MAN2B2: variants seen among roughly 807,000 people sequenced by gnomAD.
MAN2B2 encodes the protein epididymis-specific alpha-mannosidase.
Under a neutral mutation model 117.1 loss-of-function variants are expected in MAN2B2, and 106 were observed. That is an observed-to-expected ratio of 0.90 (90% CI 0.77 to 1.06). MAN2B2 has a LOEUF of 1.06. Ranked by LOEUF, MAN2B2 falls within the 50% of genes least tolerant of loss-of-function variation. The pLI, the probability that MAN2B2 is intolerant of heterozygous loss-of-function variation, is 0.00. For synonymous variants in MAN2B2, 544 were observed against 595.1 expected, an observed-to-expected ratio of 0.91 and a Z score of 1.25; for missense variants, 1,326 against 1,381.4, an observed-to-expected ratio of 0.96 and a Z score of 0.64.
intron 3 of MAN2B2, 93 bp downstream of exon 3, chr4:6,578,591 G>A (rs1271559865): frequency 2.8e-5 from 29 of 1,051,234 alleles, no homozygotes; most frequent in Non-Finnish European, 4.1e-5. Flanking sequence ...AGCTCTGTCT[G>A]CCCCTCTTAG....
chr4:6,599,915 C>T (rs1195916158), intron 9 of MAN2B2, among the ~76,000 whole-genome samples: 1 of 152,248 alleles, frequency 6.6e-6, no homozygotes, highest in Non-Finnish European at 1.5e-5. Context: ...TCTGGCTTCA[C>T]TGCCAGGTGG....
At chr4:6,617,732 G>A (rs1208997726) in intron 17 of MAN2B2, 2 of 588,282 alleles carry the variant, frequency 3.4e-6, no homozygotes, top group Non-Finnish European at 5.4e-6. Context: ...CCAGTCTGGG[G>A]TGCAGTGGCA....
At chr4:6,606,000 TC>T (rs1727531968) in intron 11 of MAN2B2, among the ~76,000 whole-genome samples, 1 of 152,204 alleles carries the variant, frequency 6.6e-6, no homozygotes, top group South Asian at 2.1e-4. Context: ...AAGAAAGACC[TC>T]GTGGCTGGTT....
Position 6,580,075 on chromosome 4 carries a change from A to C in MAN2B2, c.391+1577A>C, listed in dbSNP as rs530720439. The stretch of plus-strand genomic sequence containing the variant: ...TTGTAAAACATCCAGGCAGAGAGCA[A>C]TGTTGTCAAAGGATGTTTTTGGCAC... On this transcript the variant is annotated intron_variant, in intron 3 of 18. Transcript: ENST00000285599. Among the ~76,000 whole-genome samples the C allele has an allele frequency of 2.0e-5, 3 of 152,316 alleles. No individual in the cohort carries two copies. The East Asian group carries it at 5.8e-4, about 29-fold the overall frequency.
At position 6,578,459 on chromosome 4, in the gene MAN2B2, G is replaced by C; in HGVS notation, c.352G>C (p.Ala118Pro). The C allele has an allele frequency of 6.2e-7, 1 of 1,613,640 alleles. No homozygotes were observed. Among genetic ancestry groups the C allele is most frequent in the Non-Finnish European group, 8.5e-7 (1 of 1,179,818 alleles). The change falls in exon 3 of 19, where the codon GCT (alanine) becomes CCT (proline). Residue 118 changes from alanine (A) to proline (P), a missense_variant. Coordinates refer to ENST00000285599, the MANE Select transcript of MAN2B2 (RefSeq NM_015274.3). ...VIGGQVMHDE[A>P]VTHLDDQILQ... ...CGGAGGCCAGGTCATGCATGACGAG[G>C]CTGTGACGCACCTTGATGACCAGAT... is the stretch of plus-strand genomic sequence containing the variant.
intron 4 of MAN2B2, among the ~76,000 whole-genome samples, 175 bp downstream of exon 4, chr4:6,587,343 G>A (rs1726677082): frequency 6.6e-6 from 1 of 152,024 alleles, no homozygotes. Context: ...TCCACCAGGA[G>A]GGCCCCCCTC....
Position 6,599,597 on chromosome 4 carries a change from A to G in MAN2B2, c.1406-1026A>G, listed in dbSNP as rs1440233710. Among the ~76,000 whole-genome samples the G allele has an allele frequency of 2.0e-5, 3 of 148,290 alleles. No homozygotes were observed. In the East Asian group the frequency reaches 6.2e-4, roughly 30 times the overall value. On this transcript the variant is annotated intron_variant, in intron 9 of 18. Transcript: ENST00000285599. The stretch of plus-strand genomic sequence containing the variant: ...AGAATGGCGTGAACCCAGGAGGCGG[A>G]GCTTGCAGTGAGCCGAGATCGCACC...
At chr4:6,598,067 C>G in intron 8 of MAN2B2, 131 bp from the exon 9 acceptor site, 1 of 945,002 alleles carries the variant, frequency 1.1e-6, no homozygotes, top group Non-Finnish European at 1.6e-6. Context: ...TGTAAAATGG[C>G]GGGGACTGCC....
At chr4:6,616,766 G>A (rs1404798829) in intron 16 of MAN2B2, among the ~76,000 whole-genome samples, 1 of 152,174 alleles carries the variant, frequency 6.6e-6, no homozygotes, top group African/African-American at 2.4e-5. Flanking sequence ...ATGGTGGGCA[G>A]CCTTACAGTC....
chr4:6,619,879 C>T (rs1712077017), intron 17 of MAN2B2, 48 bp from the exon 18 acceptor site: 2 of 1,552,898 alleles, frequency 1.3e-6, no homozygotes, highest in Non-Finnish European at 1.8e-6. Flanking sequence ...CTCTGCTCAG[C>T]TCTGGAACTT....
intron 9 of MAN2B2, among the ~76,000 whole-genome samples, chr4:6,598,856 G>A (rs888199121): frequency 7.2e-5 from 11 of 152,208 alleles, no homozygotes; most frequent in South Asian, 4.1e-4. Context: ...ACTCCCTCCC[G>A]AACTCCACTT....
At chr4:6,620,133 C>A in intron 18 of MAN2B2, 89 bp downstream of exon 18, 1 of 1,085,656 alleles carries the variant, frequency 9.2e-7, no homozygotes. Flanking sequence ...AACCATCTGC[C>A]TGTCCCGGCC....
intron 3 of MAN2B2, among the ~76,000 whole-genome samples, chr4:6,579,210 TCAC>T (rs1298854364): frequency 0.01 from 218 of 21,520 alleles, 8 homozygotes; most frequent in African/African-American, 0.026. Flanking sequence ...ACCATCACCA[TCAC>T]CACCACCACC....
chr4:6,584,913 G>A (rs1726574360), intron 3 of MAN2B2, among the ~76,000 whole-genome samples: 1 of 152,116 alleles, frequency 6.6e-6, no homozygotes, highest in African/African-American at 2.4e-5. Context: ...TGCTGACTTG[G>A]CAGCCTTCAG....
intron 5 of MAN2B2, 149 bp from the exon 6 acceptor site, chr4:6,593,024 C>A: frequency 1.4e-6 from 1 of 709,010 alleles, no homozygotes; most frequent in Non-Finnish European, 2.3e-6. Context: ...AAATCTGTGA[C>A]CCACCGTCGG....
chr4:6,576,646 G>A lies in MAN2B2; in HGVS notation c.207G>A (p.Gln69=). ...TGGAAGAGCTGGCCCGCGGCCAGCAGCGCCGGTTCATCGCTGTGGAGCAGG... is the reference window on the plus strand; with the variant it reads ...TGGAAGAGCTGGCCCGCGGCCAGCAACGCCGGTTCATCGCTGTGGAGCAGG... ...SVVEELARGQ[Q]RRFIAVEQEF... Residue 69 remains glutamine, a synonymous_variant, in exon 2 of 19, where the codon CAG becomes CAA. Transcript: ENST00000285599. 6.2e-7 allele frequency: 1 copy of A among 1,613,974 alleles called. No individual in the cohort carries two copies. Among genetic ancestry groups the A allele is most frequent in the Middle Eastern group, 1.7e-4 (1 of 6,060 alleles).
intron 5 of MAN2B2, among the ~76,000 whole-genome samples, chr4:6,592,179 G>A (rs144992984): frequency 6.6e-6 from 1 of 152,224 alleles, no homozygotes; most frequent in Admixed American, 6.5e-5. Flanking sequence ...GGCAGAGGGG[G>A]TGAAGAACAC....
At chr4:6,596,870 T>A (rs1182640672) in intron 7 of MAN2B2, among the ~76,000 whole-genome samples, 1 of 152,114 alleles carries the variant, frequency 6.6e-6, no homozygotes, top group African/African-American at 2.4e-5. Flanking sequence ...CAGTGCAGCC[T>A]GTCTCTCCCA....
At chr4:6,617,847 G>GTTTTTTTT (rs56063851) in intron 17 of MAN2B2, 1 of 162,796 alleles carries the variant, frequency 6.1e-6, no homozygotes, top group Non-Finnish European at 1.2e-5. Flanking sequence ...CGATGGCTAA[G>GTTTTTTTT]TTTTTTTTTT....
Sources: allele counts gnomAD v4.1 joint callset (sites outside exome capture counted in the v4.1 genomes callset), GRCh38; gene constraint gnomAD v4.1.1; transcripts MANE v1.5; gene names NCBI Gene and HGNC (gene_info 2026-07-23, HGNC 2026-07-21).